Variants in GPR20 observed in about 807,000 individuals in gnomAD.
GPR20 encodes CTD-3064M3.3.
For missense variants in GPR20, 494 were observed against 527.4 expected (o/e 0.94, Z 0.62); for synonymous variants, 241 against 241.9 (o/e 1.00, Z 0.04).
At position 141,357,803 on chromosome 8, in the gene GPR20, G is replaced by T. The variant is rs760997762; in HGVS notation, c.121C>A (p.Leu41Met). The change falls in exon 2 of 2, where the codon CTG becomes ATG. Residue 41 changes from leucine to methionine, a missense_variant. Transcript: ENST00000377741. ...EVPLFHLFAR[L>M]DEELHGTFPG... Reference sequence around the variant, plus strand: ...AAGGTGCCATGCAGCTCCTCGTCCAGCCGGGCAAACAGGTGGAACAGGGGC... The same window carrying T: ...AAGGTGCCATGCAGCTCCTCGTCCATCCGGGCAAACAGGTGGAACAGGGGC... 6.2e-7 allele frequency: 1 copy of T among 1,613,380 alleles called. No homozygotes were observed. Among genetic ancestry groups the T allele is most frequent in the Non-Finnish European group, 8.5e-7 (1 of 1,179,916 alleles).
chr8:141,361,978 C>T (rs1367623005), intron 1 of GPR20, among the ~76,000 whole-genome samples: 2 of 152,298 alleles, frequency 1.3e-5, no homozygotes, highest in South Asian at 2.1e-4. Flanking sequence ...ATGCCCTCCC[C>T]GTAGGTATCA....
In GPR20 at chr8:141,357,869, C is replaced by G; in HGVS notation, c.55G>C (p.Ala19Pro). ...GCATTGGTCCGCACTGTTGTCACTG[C>G]GGTGGCATTGGGGACTGCCCCGGCC... is the stretch of plus-strand genomic sequence containing the variant. Reference protein sequence around the residue: ...PSAGAVPNATAVTTVRTNASG... With the variant: ...PSAGAVPNATPVTTVRTNASG... The change falls in exon 2 of 2, where the codon GCA becomes CCA. Residue 19 changes from alanine (A) to proline (P), a missense_variant. By Grantham distance (27) the Ala-to-Pro change is conservative. Transcript: ENST00000377741. 2 of 1,608,080 alleles carry G rather than the reference C, an allele frequency of 1.2e-6. No individual in the cohort carries two copies. Among genetic ancestry groups the G allele is most frequent in the Non-Finnish European group, 1.7e-6 (2 of 1,176,746 alleles).
chr8:141,358,504 C>T (rs1831686799), intron 1 of GPR20, among the ~76,000 whole-genome samples: 1 of 152,214 alleles, frequency 6.6e-6, no homozygotes, highest in Admixed American at 6.5e-5. Context: ...GCTGATGACC[C>T]AGTTCTGCTG....
intron 1 of GPR20, among the ~76,000 whole-genome samples, chr8:141,362,941 T>G (rs895937198): frequency 1.3e-5 from 2 of 152,124 alleles, no homozygotes; most frequent in African/African-American, 4.8e-5. Flanking sequence ...TTGGTACAGA[T>G]GGGGTTTCAC....
chr8:141,363,372 A>T (rs1002320594), intron 1 of GPR20, among the ~76,000 whole-genome samples: 8 of 152,250 alleles, frequency 5.3e-5, no homozygotes, highest in Non-Finnish European at 1.2e-4. Context: ...ACGTGTGCTC[A>T]GTGCAGGACT....
Position 141,357,676 on chromosome 8 carries a change from C to A in GPR20, c.248G>T (p.Arg83Leu). ...LALYVFCCRT[R>L]AKTPSVIYTI... Reference sequence around the variant, plus strand: ...GTAGATGACTGAGGGTGTCTTGGCCCGGGTGCGGCAGCAGAAGACGTACAG... The same window carrying A: ...GTAGATGACTGAGGGTGTCTTGGCCAGGGTGCGGCAGCAGAAGACGTACAG... The change falls in exon 2 of 2, where the codon CGG becomes CTG. Residue 83 changes from arginine (R) to leucine (L), a missense_variant. Arg to Leu is a moderately radical substitution (Grantham distance 102). Transcript: ENST00000377741. 6.2e-7 allele frequency: 1 copy of A among 1,613,474 alleles called. No individual in the cohort carries two copies. Among genetic ancestry groups the A allele is most frequent in the Non-Finnish European group, 8.5e-7 (1 of 1,179,884 alleles).
At position 141,357,283 on chromosome 8, in the gene GPR20, A is replaced by C. The variant is rs1474270928; in HGVS notation, c.641T>G (p.Val214Gly). Residue 214 changes from valine to glycine, a missense_variant, in exon 2 of 2, where the codon GTG becomes GGG. Transcript: ENST00000377741. ...TGCACACATGATGCGGCCGGTAAAC[A>C]CGCTGATGACCAGCAGGGGCAGCAG... ...EFLLPLLVIS[V>G]FTGRIMCALS... 6.5e-7 allele frequency: 1 copy of C among 1,542,452 alleles called. No individual in the cohort carries two copies. Among genetic ancestry groups the C allele is most frequent in the Non-Finnish European group, 8.7e-7 (1 of 1,148,700 alleles).
chr8:141,363,044 C>T (rs909559710), intron 1 of GPR20, among the ~76,000 whole-genome samples: 7 of 152,202 alleles, frequency 4.6e-5, no homozygotes, highest in Non-Finnish European at 1.0e-4. Context: ...TGAGCTACTG[C>T]GCCCGGCCCC....
At position 141,360,897 on chromosome 8, in the gene GPR20, G is replaced by A. The variant is rs367818632; in HGVS notation, c.-24-2950C>T. 3.0e-4 allele frequency among the ~76,000 whole-genome samples: 45 copies of A among 152,320 alleles called. 1 individual carries two copies. The highest frequency in any genetic ancestry group is 1.5e-3 in the Admixed American group (23 of 15,302). ...CTCGTGCCTTCCACAGCTCTGCCTC[G>A]CCCTGGTAGCCTGGACTGAGGGGAG... On this transcript the variant is annotated intron_variant, in intron 1 of 1. Coordinates refer to ENST00000377741, the MANE Select transcript of GPR20 (RefSeq NM_005293.3).
chr8:141,367,138 G>A (rs1831825908), intron 1 of GPR20, 63 bp downstream of exon 1: 1 of 152,262 alleles, frequency 6.6e-6, no homozygotes, highest in African/African-American at 2.4e-5. Flanking sequence ...GAGCAGCTCA[G>A]GAGCCTCCTA....
intron 1 of GPR20, among the ~76,000 whole-genome samples, chr8:141,362,599 C>G (rs1005437287): frequency 1.3e-5 from 2 of 152,194 alleles, no homozygotes; most frequent in Non-Finnish European, 2.9e-5. Flanking sequence ...CCTGCCTACC[C>G]AGTGTCTTGG....
intron 1 of GPR20, among the ~76,000 whole-genome samples, chr8:141,363,858 G>A (rs796589632): frequency 3.3e-5 from 5 of 152,370 alleles, no homozygotes; most frequent in African/African-American, 1.2e-4. Context: ...ATGGCCCAGG[G>A]TGGCTGTTGA....
chr8:141,365,065 G>A (rs1318656710), intron 1 of GPR20, among the ~76,000 whole-genome samples: 1 of 152,212 alleles, frequency 6.6e-6, no homozygotes, highest in African/African-American at 2.4e-5. Flanking sequence ...TGCATGTGCT[G>A]TTCCTTCTGC....
Position 141,357,959 on chromosome 8 carries a change from G to A in GPR20, c.-24-12C>T, listed in dbSNP as rs1831678016. On this transcript the variant is annotated splice_polypyrimidine_tract_variant and intron_variant, in intron 1 of 1. Coordinates refer to ENST00000377741, the MANE Select transcript of GPR20 (RefSeq NM_005293.3). ...AGCACACCCCAGGCCTGGAAGCAAGGAGACCAGGTCACCCCAGGCGCCAGC... is the reference window on the plus strand; with the variant it reads ...AGCACACCCCAGGCCTGGAAGCAAGAAGACCAGGTCACCCCAGGCGCCAGC... 7.5e-7 allele frequency: 1 copy of A among 1,336,676 alleles called. No homozygotes were observed. Among genetic ancestry groups the A allele is most frequent in the African/African-American group, 1.5e-5 (1 of 68,618 alleles). 82.8% of individuals were successfully genotyped at this position (1,336,676 alleles called of 1,614,324 possible).
At chr8:141,362,203 G>A (rs1831744521) in intron 1 of GPR20, among the ~76,000 whole-genome samples, 2 of 152,158 alleles carry the variant, frequency 1.3e-5, no homozygotes, top group South Asian at 2.1e-4. Flanking sequence ...TCTCCCTTTC[G>A]GCTTATTCAT....
At chr8:141,363,905 G>C (rs1563707714) in intron 1 of GPR20, among the ~76,000 whole-genome samples, 1 of 152,258 alleles carries the variant, frequency 6.6e-6, no homozygotes. Context: ...CCTGTGTGCT[G>C]TCTGTGGACG....
chr8:141,357,335 C>T lies in GPR20; in HGVS notation c.589G>A (p.Val197Ile), dbSNP rs958967667. Residue 197 changes from valine (V) to isoleucine (I), a missense_variant, in exon 2 of 2, where the codon GTC becomes ATC. Physicochemically the swap from Val to Ile is conservative, Grantham distance 29 (BLOSUM62 3). Coordinates refer to ENST00000377741, the MANE Select transcript of GPR20 (RefSeq NM_005293.3). The stretch of plus-strand genomic sequence containing the variant: ...AACTCCAGGACAGTCAGCGCAAAGA[C>T]ACGGCAGCAGGGCCGGCTGCCTGTC... ...GVTGSRPCCR[V>I]FALTVLEFLL... is the part of the protein sequence containing the mutation. 5 of 1,547,396 alleles carry T rather than the reference C, an allele frequency of 3.2e-6. No homozygotes were observed. The highest frequency in any genetic ancestry group is 2.4e-5 in the East Asian group (1 of 41,410).
chr8:141,356,745 A>G lies in GPR20; in HGVS notation c.*102T>C. On this transcript the variant is annotated 3_prime_UTR_variant, in exon 2 of 2. Transcript: ENST00000377741. The stretch of plus-strand genomic sequence containing the variant: ...GCGGTGCTCTGGGTAGCCATCACCA[A>G]TCAATCGAGATGGAACCGATTGCCA... 1 of 767,756 alleles carries G rather than the reference A, an allele frequency of 1.3e-6. No individual in the cohort carries two copies. The highest frequency in any genetic ancestry group is 2.1e-6 in the Non-Finnish European group (1 of 477,372). The allele number at this position is 767,756 out of a possible 1,614,324, so 47.6% of individuals were successfully genotyped here.
chr8:141,358,067 C>G (rs1438855374), intron 1 of GPR20, 120 bp from the exon 2 acceptor site: 1 of 601,202 alleles, frequency 1.7e-6, no homozygotes, highest in African/African-American at 1.8e-5. Context: ...TCTCCATGCC[C>G]TCGCCTGGCT....
Sources: allele counts gnomAD v4.1 joint callset (sites outside exome capture counted in the v4.1 genomes callset), GRCh38; gene constraint gnomAD v4.1.1; transcripts MANE v1.5; gene names NCBI Gene and HGNC (gene_info 2026-07-23, HGNC 2026-07-21).